COL9A1: variants seen among roughly 807,000 people sequenced by gnomAD.
COL9A1 encodes collagen alpha-1(IX) chain.
A neutral mutation model predicts 142.6 loss-of-function variants in COL9A1; 104 were observed. The ratio of observed to expected loss-of-function variants is 0.73; its 90% CI spans 0.62 to 0.86. The LOEUF (loss-of-function observed/expected upper bound fraction) is 0.86, where lower values mean the gene tolerates loss of function less well. COL9A1 is among the 40% of genes least tolerant of loss of function. The pLI is 0.00. For synonymous variants in COL9A1, 466 were observed against 396.0 expected (o/e 1.18, Z -2.10); for missense variants, 1,210 against 1,176.6 (o/e 1.03, Z -0.42).
intron 23 of COL9A1, 66 bp downstream of exon 23, chr6:70,255,084 C>A: frequency 1.2e-6 from 2 of 1,613,296 alleles, no homozygotes; most frequent in South Asian, 2.2e-5. Context: ...TCATTATTTT[C>A]TAAAGTTTCA....
chr6:70,265,453 A>ATTATTATATGG (rs976254016), intron 18 of COL9A1, among the ~76,000 whole-genome samples: 6 of 147,754 alleles, frequency 4.1e-5, no homozygotes, highest in Non-Finnish European at 9.0e-5. Flanking sequence ...CTACTACTCT[A>ATTATTATATGG]TTATTATATG....
intron 33 of COL9A1, among the ~76,000 whole-genome samples, chr6:70,235,352 C>T (rs1248016062): frequency 1.3e-5 from 2 of 152,058 alleles, no homozygotes; most frequent in African/African-American, 4.8e-5. Flanking sequence ...ACTTGGGAAG[C>T]TGAGGCAGGA....
Position 70,280,604 on chromosome 6 carries a change from T to C in COL9A1, c.975+208A>G, listed in dbSNP as rs1333852563. 3.9e-6 allele frequency: 5 copies of C among 1,294,244 alleles called. No individual in the cohort carries two copies. In the African/African-American group the frequency reaches 6.0e-5, roughly 15 times the overall value. 80.2% of individuals were successfully genotyped at this position (1,294,244 alleles called of 1,614,324 possible). ...AGGAGGAGGAAATGCCAACGCCTCC[T>C]AGAGAGAGGTATCCTCACCTTCACA... On this transcript the variant is annotated intron_variant, in intron 10 of 37. Coordinates refer to ENST00000357250, the MANE Select transcript of COL9A1 (RefSeq NM_001851.6).
chr6:70,274,492 T>C (rs111601555), intron 11 of COL9A1, among the ~76,000 whole-genome samples: 12 of 152,316 alleles, frequency 7.9e-5, no homozygotes, highest in African/African-American at 1.7e-4. Context: ...GTTAGTTTGC[T>C]GAAAATAATG....
intron 10 of COL9A1, chr6:70,275,041 A>G (rs560630517): frequency 6.5e-6 from 3 of 460,226 alleles, no homozygotes; most frequent in South Asian, 5.4e-5. Context: ...TCAATAATTC[A>G]GTGTTTTTTG....
rs1226080530 is a variant in COL9A1 at position 70,260,691 on chromosome 6, C to T, written c.1415G>A (p.Gly472Asp). Reference sequence around the variant, plus strand: ...TTTGTCCCCAACTATGCCGGTGATGCCTCGCAAACCCTGGGCTCCCTGGAA... The same window carrying T: ...TTTGTCCCCAACTATGCCGGTGATGTCTCGCAAACCCTGGGCTCCCTGGAA... ...QGPPGAQGLR[G>D]ITGIVGDKGE... The change falls in exon 20 of 38, where the codon GGC (glycine) becomes GAC (aspartate). Residue 472 changes from glycine (G) to aspartate (D), a missense_variant. Physicochemically the swap from Gly to Asp is moderately conservative, Grantham distance 94 (BLOSUM62 -1). Transcript: ENST00000357250. The T allele has an allele frequency of 6.2e-7, 1 of 1,613,886 alleles. No homozygotes were observed. Among genetic ancestry groups the T allele is most frequent in the East Asian group, 2.2e-5 (1 of 44,874 alleles).
chr6:70,241,531 G>A, intron 30 of COL9A1, 77 bp from the exon 31 acceptor site: 1 of 1,224,718 alleles, frequency 8.2e-7, no homozygotes, highest in Admixed American at 1.7e-5. Context: ...TATTGGGTGG[G>A]TGGATAAGCA....
intron 7 of COL9A1, among the ~76,000 whole-genome samples, chr6:70,282,537 G>A (rs1773227993): frequency 6.7e-6 from 1 of 150,278 alleles, no homozygotes; most frequent in Non-Finnish European, 1.5e-5. Context: ...GCCTTTTCCA[G>A]CAAGGCCTGC....
At chr6:70,227,790 A>G (rs1466704158) in intron 36 of COL9A1, among the ~76,000 whole-genome samples, 1 of 152,158 alleles carries the variant, frequency 6.6e-6, no homozygotes, top group African/African-American at 2.4e-5. Context: ...CACAGAATAG[A>G]ACACTATGCA....
At position 70,240,689 on chromosome 6, in the gene COL9A1, A is replaced by C; in HGVS notation, c.2079T>G (p.Leu693=). 1 of 1,611,934 alleles carries C rather than the reference A, an allele frequency of 6.2e-7. No homozygotes were observed. The highest frequency in any genetic ancestry group is 8.5e-7 in the Non-Finnish European group (1 of 1,178,544). The change falls in exon 32 of 38, where the codon CTT becomes CTG. Residue 693 remains leucine (L), a splice_region_variant and synonymous_variant. Transcript: ENST00000357250. ...EEGEAGERGE[L]GDIGLPGPKG... Reference sequence around the variant, plus strand: ...ATTAACCAGAAAAAAAAAATCTTACAAGTTCCCCCCTTTCTCCTGCTTCAC... The same window carrying C: ...ATTAACCAGAAAAAAAAAATCTTACCAGTTCCCCCCTTTCTCCTGCTTCAC...
intron 29 of COL9A1, 109 bp downstream of exon 29, chr6:70,242,553 G>A (rs1770330236): frequency 1.0e-6 from 1 of 968,540 alleles, no homozygotes; most frequent in African/African-American, 1.6e-5. Flanking sequence ...CACATAACAA[G>A]AGAAATCAAG....
chr6:70,301,489 A>C (rs1467401151), intron 2 of COL9A1, among the ~76,000 whole-genome samples: 1 of 152,188 alleles, frequency 6.6e-6, no homozygotes, highest in East Asian at 1.9e-4. Flanking sequence ...AGGCAGAAGA[A>C]TCACTTGAAC....
rs536666650 is a variant in COL9A1, at chr6:70,290,726, C to T, written c.696+3441G>A. On this transcript the variant is annotated intron_variant, in intron 5 of 37. Transcript: ENST00000357250. ...GTTACTTTTTGACATCTGATAATCC[C>T]TTTAGAAGGGATATTTTGCTTTTGA... Among the ~76,000 whole-genome samples, 15 of 152,082 alleles carry T rather than the reference C, an allele frequency of 9.9e-5. 1 individual carries two copies. In the South Asian group the frequency reaches 2.3e-3, roughly 23 times the overall value.
intron 19 of COL9A1, among the ~76,000 whole-genome samples, chr6:70,262,984 C>G (rs1230431733): frequency 6.6e-6 from 1 of 151,996 alleles, no homozygotes; most frequent in Non-Finnish European, 1.5e-5. Context: ...TTTCAATTGC[C>G]TGGCCCTGAA....
intron 36 of COL9A1, among the ~76,000 whole-genome samples, chr6:70,229,882 T>C (rs1769444225): frequency 6.6e-6 from 1 of 152,290 alleles, no homozygotes; most frequent in East Asian, 1.9e-4. Flanking sequence ...CTAGTTCCTA[T>C]TGAAAATGTT....
chr6:70,296,559 AT>A (rs2127606424), intron 4 of COL9A1, among the ~76,000 whole-genome samples: 1 of 152,156 alleles, frequency 6.6e-6, no homozygotes, highest in African/African-American at 2.4e-5. Context: ...TTGACTTTAT[AT>A]TTTTCAGAAT....
At chr6:70,281,085 G>T (rs750987283) in intron 8 of COL9A1, 46 bp from the exon 9 acceptor site, 2 of 1,529,128 alleles carry the variant, frequency 1.3e-6, no homozygotes, top group South Asian at 1.2e-5. Flanking sequence ...GAGCGGGATA[G>T]GCTGAGGACC....
At chr6:70,281,687 G>C (rs537627103) in intron 7 of COL9A1, among the ~76,000 whole-genome samples, 1 of 152,146 alleles carries the variant, frequency 6.6e-6, no homozygotes, top group Admixed American at 6.5e-5. Context: ...CAGGATTGAC[G>C]CCCCCAAGGT....
intron 4 of COL9A1, among the ~76,000 whole-genome samples, chr6:70,297,295 A>G (rs1260739789): frequency 6.6e-6 from 1 of 152,162 alleles, no homozygotes; most frequent in East Asian, 1.9e-4. Flanking sequence ...AACTAATGGT[A>G]GCTGTCTCTT....
Sources: allele counts gnomAD v4.1 joint callset (sites outside exome capture counted in the v4.1 genomes callset), GRCh38; gene constraint gnomAD v4.1.1; transcripts MANE v1.5; gene names NCBI Gene and HGNC (gene_info 2026-07-23, HGNC 2026-07-21).